Variants in ABCC1 observed in about 807,000 individuals in gnomAD.
The protein encoded by ABCC1 is ATP binding cassette subfamily C member 1 (ABCC1 blood group).
Under a neutral mutation model 172.9 loss-of-function variants are expected in ABCC1, and 83 were observed. That is an observed-to-expected ratio of 0.48 (90% CI 0.40 to 0.58). ABCC1 has a LOEUF of 0.58. ABCC1 is among the 20% of genes least tolerant of loss of function. The probability of loss-of-function intolerance (pLI) is 0.00; values close to 1 mark genes in which losing one functional copy is unlikely to be tolerated. For synonymous variants in ABCC1, 937 were observed against 825.2 expected, an observed-to-expected ratio of 1.14 and a Z score of -2.32; for missense variants, 1,817 against 2,002.7, an observed-to-expected ratio of 0.91 and a Z score of 1.77.
At chr16:16,067,445 A>G (rs1375852927) in intron 12 of ABCC1, among the ~76,000 whole-genome samples, 1 of 152,312 alleles carries the variant, frequency 6.6e-6, no homozygotes, top group East Asian at 1.9e-4. Context: ...CCAACAAGAA[A>G]TAAAAACAGC....
In ABCC1 at chr16:16,093,859, T is replaced by C. The variant is rs899729104; in HGVS notation, c.2644+3271T>C. 3.3e-5 allele frequency among the ~76,000 whole-genome samples: 5 copies of C among 152,116 alleles called. No individual in the cohort carries two copies. In the South Asian group the frequency reaches 6.2e-4, roughly 19 times the overall value. On this transcript the variant is annotated intron_variant, in intron 19 of 30. Transcript: ENST00000399410. The stretch of plus-strand genomic sequence containing the variant: ...GTTGGTATTTGGTTTGGGAGAATCC[T>C]TGAGGGGGGATGGGCAGGAACCAGG...
At chr16:15,949,273 G>A (rs751765642), upstream of ABCC1, among the ~76,000 whole-genome samples, 2 of 152,030 alleles carry the variant, frequency 1.3e-5, no homozygotes, top group South Asian at 2.1e-4. Flanking sequence ...AGGGGGCTCC[G>A]TTCACGTTAT....
At chr16:15,963,831 T>C (rs2046189768) in intron 1 of ABCC1, among the ~76,000 whole-genome samples, 1 of 152,246 alleles carries the variant, frequency 6.6e-6, no homozygotes, top group Non-Finnish European at 1.5e-5. Context: ...GGAGACATTT[T>C]CCCCATTGTC....
intron 21 of ABCC1, 121 bp from the exon 22 acceptor site, chr16:16,111,254 C>T (rs936653076): frequency 3.8e-5 from 30 of 788,248 alleles, no homozygotes; most frequent in Middle Eastern, 3.0e-4. Context: ...GGGTGTTCTA[C>T]GTAGGAGCAA....
At chr16:16,053,051 T>C (rs960505378) in intron 11 of ABCC1, among the ~76,000 whole-genome samples, 9 of 152,192 alleles carry the variant, frequency 5.9e-5, no homozygotes, top group African/African-American at 2.2e-4. Flanking sequence ...TCCCAGGTCA[T>C]TATATTGGGC....
At chr16:16,039,261 GTTT>G (rs1567338092) in intron 7 of ABCC1, among the ~76,000 whole-genome samples, 1 of 98,600 alleles carries the variant, frequency 1.0e-5, no homozygotes, top group African/African-American at 5.6e-5. Flanking sequence ...GTGTGTGTGT[GTTT>G]TCTTTTTTTT....
Position 16,111,523 on chromosome 16 carries a change from G to A in ABCC1, c.3020G>A (p.Gly1007Glu), listed in dbSNP as rs1478275091. 1 of 1,614,024 alleles carries A rather than the reference G, an allele frequency of 6.2e-7. No homozygotes were observed. The highest frequency in any genetic ancestry group is 1.3e-5 in the African/African-American group (1 of 74,900). Residue 1007 changes from glycine to glutamate, a missense_variant, in exon 22 of 31, where the codon GGG becomes GAG. Physicochemically the swap from Gly to Glu is moderately conservative, Grantham distance 98. This residue lies in a region of ABCC1 where 1,412 missense variants were observed against 1,600.3 expected (regional missense o/e 0.88). Transcript: ENST00000399410. ...TGGACTGATGACCCCATCGTCAACG[G>A]GACTCAGGAGCACACGAAAGTCCGG... ...SLWTDDPIVN[G>E]TQEHTKVRLS...
At chr16:16,137,402 C>T (rs1339697887) in intron 29 of ABCC1, among the ~76,000 whole-genome samples, 1 of 152,152 alleles carries the variant, frequency 6.6e-6, no homozygotes. Context: ...CAAGAGCGTG[C>T]AAGCCCCTAT....
chr16:16,134,725 C>T (rs2045853162), intron 28 of ABCC1, among the ~76,000 whole-genome samples: 1 of 151,184 alleles, frequency 6.6e-6, no homozygotes, highest in African/African-American at 2.4e-5. Context: ...CAACCTCCGT[C>T]TCCCAGGCTC....
At chr16:16,128,488 T>G (rs1419943190) in intron 26 of ABCC1, among the ~76,000 whole-genome samples, 1 of 152,126 alleles carries the variant, frequency 6.6e-6, no homozygotes, top group African/African-American at 2.4e-5. Flanking sequence ...TTGACTGACT[T>G]TTATATTTTT....
chr16:16,034,016 G>A (rs1237737712), intron 6 of ABCC1, among the ~76,000 whole-genome samples: 1 of 105,770 alleles, frequency 9.5e-6, no homozygotes, highest in Non-Finnish European at 2.0e-5. Context: ...CCCCTAATAA[G>A]CATCATCTTT....
At chr16:16,089,816 G>A (rs1412491746) in intron 18 of ABCC1, among the ~76,000 whole-genome samples, 1 of 151,216 alleles carries the variant, frequency 6.6e-6, no homozygotes, top group Non-Finnish European at 1.5e-5. Flanking sequence ...GGGAGGCGGA[G>A]GTTGCAGTGA....
chr16:16,047,656 G>C (rs2049268014), intron 9 of ABCC1, among the ~76,000 whole-genome samples: 1 of 152,076 alleles, frequency 6.6e-6, no homozygotes, highest in Admixed American at 6.6e-5. Context: ...GCCCCCCAAA[G>C]AATTATCTGG....
chr16:16,069,189 TAA>T (rs1407232506), intron 13 of ABCC1, among the ~76,000 whole-genome samples: 3 of 144,670 alleles, frequency 2.1e-5, no homozygotes, highest in South Asian at 4.3e-4. Context: ...AATAAATAAA[TAA>T]ATAAATAAAT....
At chr16:15,950,748 C>A (rs2045852012) in intron 1 of ABCC1, among the ~76,000 whole-genome samples, 1 of 152,134 alleles carries the variant, frequency 6.6e-6, no homozygotes, top group Non-Finnish European at 1.5e-5. Flanking sequence ...AATCTGGACA[C>A]GACTGTTTCT....
intron 3 of ABCC1, among the ~76,000 whole-genome samples, chr16:16,011,831 G>A (rs1485597281): frequency 3.9e-5 from 6 of 151,956 alleles, no homozygotes; most frequent in East Asian, 1.9e-4. Context: ...CACCACGCCC[G>A]GCTGATTTTG....
intron 16 of ABCC1, among the ~76,000 whole-genome samples, chr16:16,079,983 A>G (rs935936268): frequency 1.3e-5 from 2 of 151,560 alleles, no homozygotes; most frequent in African/African-American, 4.8e-5. Flanking sequence ...GCTAATTTTT[A>G]TATTTTTTTA....
At position 15,949,784 on chromosome 16, in the gene ABCC1, C is replaced by T. The variant is rs562494702; in HGVS notation, c.33C>T (p.Gly11=). The change falls in exon 1 of 31, where the codon GGC becomes GGT. Residue 11 remains glycine (G), a synonymous_variant. Coordinates refer to ENST00000399410, the MANE Select transcript of ABCC1 (RefSeq NM_004996.4). MALRGFCSAD[G]SDPLWDWNVT... ...TCCGGGGCTTCTGCAGCGCCGATGGCTCCGACCCGCTCTGGGTACGTGCCG... is the reference window on the plus strand; with the variant it reads ...TCCGGGGCTTCTGCAGCGCCGATGGTTCCGACCCGCTCTGGGTACGTGCCG... 1,998 of 1,195,922 alleles carry T rather than the reference C, an allele frequency of 1.7e-3. 33 individuals carry two copies. In the African/African-American group the frequency reaches 0.029, roughly 18 times the overall value. 74.1% of individuals were successfully genotyped at this position (1,195,922 alleles called of 1,614,324 possible).
chr16:16,135,877 A>C (rs1292660526), intron 28 of ABCC1, among the ~76,000 whole-genome samples: 1 of 152,176 alleles, frequency 6.6e-6, no homozygotes, highest in Non-Finnish European at 1.5e-5. Flanking sequence ...GGGAGAATCC[A>C]CGGGACTTTA....
Sources: allele counts gnomAD v4.1 joint callset (sites outside exome capture counted in the v4.1 genomes callset), GRCh38; gene constraint gnomAD v4.1.1; regional missense constraint gnomAD v4.1.1; transcripts MANE v1.5; gene names NCBI Gene and HGNC (gene_info 2026-07-23, HGNC 2026-07-21).